The following PPFIA2 variants were observed in gnomAD, a reference collection of about 807,000 sequenced individuals.
PPFIA2 encodes the protein PPFI scaffold protein A2, also known as liprin-alpha-2.
Under a neutral mutation model 175.5 loss-of-function variants are expected in PPFIA2, and 46 were observed. The ratio of observed to expected loss-of-function variants is 0.26; its 90% confidence interval spans 0.21 to 0.34. The LOEUF (loss-of-function observed/expected upper bound fraction) is 0.34, where lower values mean the gene tolerates loss of function less well. Among genes scored for constraint, PPFIA2 ranks in the 10% least tolerant of loss-of-function variants. The pLI is 1.00. For synonymous variants in PPFIA2, 568 were observed against 511.4 expected (o/e 1.11, Z -1.49); for missense variants, 1,179 against 1,506.1 (o/e 0.78, Z 3.60).
intron 6 of PPFIA2, among the ~76,000 whole-genome samples, chr12:81,444,082 C>A (rs954005668): frequency 1.0e-3 from 155 of 151,716 alleles, no homozygotes; most frequent in Admixed American, 4.5e-3. Flanking sequence ...TCTCGATCTC[C>A]TGACCTCGTG....
Position 81,465,038 on chromosome 12 carries a change from G to C in PPFIA2, c.304-7172C>G, listed in dbSNP as rs951758510. ...GGTAAGTCCCCACCTCAGGAAAGCT[G>C]GTTAGGAGAAGCTGCATGGTAAGAG... On this transcript the variant is annotated intron_variant, in intron 4 of 32. Coordinates refer to ENST00000549396, the MANE Select transcript of PPFIA2 (RefSeq NM_003625.5). Among the ~76,000 whole-genome samples, 27 of 152,058 alleles carry C rather than the reference G, an allele frequency of 1.8e-4. 1 individual carries two copies. Among genetic ancestry groups the C allele is most frequent in the African/African-American group, 6.5e-4 (27 of 41,402 alleles).
rs577136771 is a variant in PPFIA2 at position 81,689,964 on chromosome 12, G to A, written c.250-13120C>T. Among the ~76,000 whole-genome samples the A allele has an allele frequency of 3.2e-3, 487 of 152,116 alleles. 3 individuals carry two copies. The highest frequency in any genetic ancestry group is 4.0e-3 in the Non-Finnish European group (273 of 67,970). ...AGACGATACAGACAGTCCTTACTTG[G>A]CACAGTACAGTGTTAACTGTCTTTA... is the stretch of plus-strand genomic sequence containing the variant. On this transcript the variant is annotated intron_variant, in intron 3 of 32. Transcript: ENST00000549396.
intron 23 of PPFIA2, among the ~76,000 whole-genome samples, chr12:81,297,429 C>T (rs1416383406): frequency 6.6e-6 from 1 of 151,798 alleles, no homozygotes; most frequent in East Asian, 1.9e-4. Context: ...AACAACGAAA[C>T]TCTTTGAGTC....
chr12:81,577,266 A>G (rs1420404204), intron 4 of PPFIA2, among the ~76,000 whole-genome samples: 1 of 151,906 alleles, frequency 6.6e-6, no homozygotes, highest in African/African-American at 2.4e-5. Context: ...TTTCACTTTT[A>G]AGAAGAGCTT....
At chr12:81,652,059 T>C (rs2067112201) in intron 4 of PPFIA2, among the ~76,000 whole-genome samples, 1 of 151,578 alleles carries the variant, frequency 6.6e-6, no homozygotes, top group Non-Finnish European at 1.5e-5. Flanking sequence ...AGGTATACAG[T>C]TATACAGTCT....
chr12:81,572,543 C>T (rs1274463271), intron 4 of PPFIA2, among the ~76,000 whole-genome samples: 1 of 151,970 alleles, frequency 6.6e-6, no homozygotes, highest in Non-Finnish European at 1.5e-5. Context: ...CCACATATCA[C>T]ATGTCCAAAT....
rs149554458 is a variant in PPFIA2 at position 81,308,564 on chromosome 12, G to C, written c.2643-9182C>G. 1.1e-3 allele frequency among the ~76,000 whole-genome samples: 174 copies of C among 152,256 alleles called. 2 individuals carry two copies. The highest frequency in any genetic ancestry group is 4.0e-3 in the African/African-American group (168 of 41,552). On this transcript the variant is annotated intron_variant, in intron 22 of 32. Transcript: ENST00000549396. ...TCATAACTGAAAAATGAGGATAATAGCACCTTCCTTATTGTAAGTGTAAAA... is the reference window on the plus strand; with the variant it reads ...TCATAACTGAAAAATGAGGATAATACCACCTTCCTTATTGTAAGTGTAAAA...
chr12:81,418,746 C>T (rs542036978), intron 7 of PPFIA2, among the ~76,000 whole-genome samples: 2 of 151,978 alleles, frequency 1.3e-5, no homozygotes, highest in Admixed American at 6.6e-5. Flanking sequence ...AAAGTCAGAA[C>T]TATAACTAAA....
chr12:81,636,107 T>C (rs973107444), intron 4 of PPFIA2, among the ~76,000 whole-genome samples: 1 of 152,192 alleles, frequency 6.6e-6, no homozygotes, highest in Non-Finnish European at 1.5e-5. Flanking sequence ...TGAAAGAATA[T>C]GGAAATATGT....
At chr12:81,264,437 T>G (rs565562702) in intron 30 of PPFIA2, among the ~76,000 whole-genome samples, 2 of 152,294 alleles carry the variant, frequency 1.3e-5, no homozygotes, top group South Asian at 4.1e-4. Flanking sequence ...AGGTCTTGTC[T>G]TCTCATCTCA....
At chr12:81,677,728 C>T (rs769031729) in intron 3 of PPFIA2, among the ~76,000 whole-genome samples, 66 of 151,856 alleles carry the variant, frequency 4.3e-4, no homozygotes, top group Non-Finnish European at 5.9e-4. Flanking sequence ...ATAAAGAGAT[C>T]GATTTTTAAC....
At chr12:81,314,704 T>G (rs1008809347) in intron 22 of PPFIA2, among the ~76,000 whole-genome samples, 6 of 151,896 alleles carry the variant, frequency 4.0e-5, no homozygotes, top group African/African-American at 1.4e-4. Context: ...GATTGAAAAC[T>G]TCAAATAAGA....
At chr12:81,392,949 G>A (rs775249270) in intron 8 of PPFIA2, among the ~76,000 whole-genome samples, 4 of 151,952 alleles carry the variant, frequency 2.6e-5, no homozygotes, top group African/African-American at 4.8e-5. Flanking sequence ...ATATGTGAAT[G>A]TGACCCACTG....
chr12:81,420,110 C>T (rs1164781586), intron 7 of PPFIA2, among the ~76,000 whole-genome samples: 1 of 152,142 alleles, frequency 6.6e-6, no homozygotes, highest in Non-Finnish European at 1.5e-5. Flanking sequence ...GGAGCTGGAA[C>T]AGCCACTGTG....
In PPFIA2 at chr12:81,353,173, T is replaced by C; in HGVS notation, c.1940A>G (p.Gln647Arg). 3 of 1,613,882 alleles carry C rather than the reference T, an allele frequency of 1.9e-6. No individual in the cohort carries two copies. Among genetic ancestry groups the C allele is most frequent in the Non-Finnish European group, 2.5e-6 (3 of 1,179,820 alleles). Residue 647 changes from glutamine to arginine, a missense_variant, in exon 17 of 33, where the codon CAG becomes CGG. By Grantham distance (43) the Gln-to-Arg change is conservative. Coordinates refer to ENST00000549396, the MANE Select transcript of PPFIA2 (RefSeq NM_003625.5). ...TTCCTGAAGCATCATGGCTAGCGTC[T>C]GGGCATCGGAATGACCACTTGGAGA... ...LLSPSGHSDA[Q>R]TLAMMLQEQL...
chr12:81,464,753 C>T (rs1566939987), intron 4 of PPFIA2, among the ~76,000 whole-genome samples: 1 of 151,904 alleles, frequency 6.6e-6, no homozygotes, highest in Non-Finnish European at 1.5e-5. Flanking sequence ...TAACGTATGC[C>T]TTTTCCACCT....
At chr12:81,671,867 T>C (rs561488046) in intron 4 of PPFIA2, among the ~76,000 whole-genome samples, 1 of 140,748 alleles carries the variant, frequency 7.1e-6, no homozygotes, top group Non-Finnish European at 1.6e-5. Context: ...AAATAAATTA[T>C]TATTTTCTAT....
chr12:81,549,287 TA>T (rs1177937083), intron 4 of PPFIA2, among the ~76,000 whole-genome samples: 1 of 152,118 alleles, frequency 6.6e-6, no homozygotes, highest in Non-Finnish European at 1.5e-5. Context: ...TATCAGTCAC[TA>T]TTATTCATAA....
At chr12:81,395,986 G>A (rs1596039152) in intron 8 of PPFIA2, among the ~76,000 whole-genome samples, 2 of 151,964 alleles carry the variant, frequency 1.3e-5, no homozygotes, top group South Asian at 2.1e-4. Context: ...TAAGTTTTGT[G>A]TGCCTTTTTT....
Sources: gnomAD v4.1 joint callset for allele counts (sites outside exome capture counted in the v4.1 genomes callset) on GRCh38, gnomAD v4.1.1 for gene constraint, MANE v1.5 for transcripts, NCBI Gene and HGNC (gene_info 2026-07-23, HGNC 2026-07-21) for gene names.